Variants in EED observed in about 807,000 individuals in gnomAD.
The protein encoded by EED is polycomb protein EED.
Under a neutral mutation model 61.0 loss-of-function variants are expected in EED, and 9 were observed. The ratio of observed to expected loss-of-function variants is 0.15; its 90% CI spans 0.09 to 0.26. EED has a LOEUF of 0.26. Ranked by LOEUF, EED falls within the 10% of genes least tolerant of loss-of-function variation. EED has a pLI of 1.00. For missense variants in EED, 315 were observed against 542.3 expected (o/e 0.58, Z 4.16); for synonymous variants, 187 against 174.4 (o/e 1.07, Z -0.57).
downstream of EED, among the ~76,000 whole-genome samples, chr11:86,280,774 A>G (rs1946314540): frequency 6.6e-6 from 1 of 152,246 alleles, no homozygotes; most frequent in Non-Finnish European, 1.5e-5. Context: ...CCAACTTTTC[A>G]CTAATGAGTA....
chr11:86,263,174 C>T (rs1163324522), intron 6 of EED, among the ~76,000 whole-genome samples: 5 of 152,160 alleles, frequency 3.3e-5, no homozygotes, highest in African/African-American at 7.2e-5. Flanking sequence ...CTGAATGAGA[C>T]CAACCTCATT....
At chr11:86,248,725 A>G (rs1217865732) in intron 1 of EED, among the ~76,000 whole-genome samples, 4 of 151,980 alleles carry the variant, frequency 2.6e-5, no homozygotes, top group African/African-American at 4.8e-5. Context: ...TTCATAATGA[A>G]AAAAGAGTTG....
At chr11:86,282,001 T>C (rs150741473), downstream of EED, among the ~76,000 whole-genome samples, 107 of 152,342 alleles carry the variant, frequency 7.0e-4, no homozygotes, top group African/African-American at 2.5e-3. Context: ...TTCAAACATA[T>C]AGAAGAGTGA....
chr11:86,251,858 G>A (rs981095778), intron 2 of EED, among the ~76,000 whole-genome samples: 1 of 152,074 alleles, frequency 6.6e-6, no homozygotes, highest in Non-Finnish European at 1.5e-5. Flanking sequence ...AATATGATTG[G>A]CTTATTAAGA....
At chr11:86,279,652 C>G (rs1946301158), downstream of EED, among the ~76,000 whole-genome samples, 1 of 152,132 alleles carries the variant, frequency 6.6e-6, no homozygotes, top group Non-Finnish European at 1.5e-5. Context: ...TAAAAAGATT[C>G]ATGAACTTGT....
chr11:86,265,942 T>C (rs1028065073), intron 7 of EED, 141 bp from the exon 8 acceptor site: 1 of 597,492 alleles, frequency 1.7e-6, no homozygotes, highest in African/African-American at 1.9e-5. Flanking sequence ...CTCTGATTTA[T>C]GGCCTATTTA....
chr11:86,266,982 A>G (rs756828301), intron 8 of EED, among the ~76,000 whole-genome samples: 13 of 152,192 alleles, frequency 8.5e-5, no homozygotes, highest in Non-Finnish European at 1.9e-4. Context: ...TCAATGCACT[A>G]ACATTCATCA....
At chr11:86,265,902 A>AT in intron 7 of EED, 181 bp from the exon 8 acceptor site, 1 of 448,032 alleles carries the variant, frequency 2.2e-6, no homozygotes, top group Non-Finnish European at 3.9e-6. Context: ...TGACAAACTA[A>AT]TTAAAGCTGT....
intron 10 of EED, 168 bp downstream of exon 10, chr11:86,277,306 C>A (rs574413535): frequency 1.8e-6 from 1 of 566,636 alleles, no homozygotes; most frequent in Non-Finnish European, 2.8e-6. Context: ...TGGTGTTATT[C>A]ATTCTACTTT....
chr11:86,282,470 G>T (rs1049515589), downstream of EED, among the ~76,000 whole-genome samples: 2 of 151,942 alleles, frequency 1.3e-5, no homozygotes, highest in Admixed American at 1.3e-4. Context: ...CCTTGTTGTT[G>T]GACATGTTCA....
At chr11:86,268,284 A>G (rs1250190085) in intron 8 of EED, 172 bp from the exon 9 acceptor site, 1 of 474,784 alleles carries the variant, frequency 2.1e-6, no homozygotes, top group Non-Finnish European at 3.7e-6. Context: ...CAAAAGTGGA[A>G]TGAGACTTTA....
intron 6 of EED, among the ~76,000 whole-genome samples, chr11:86,258,696 C>T (rs1029538139): frequency 1.3e-5 from 2 of 151,298 alleles, no homozygotes; most frequent in Admixed American, 6.6e-5. Flanking sequence ...GCTGGGATTA[C>T]AGGCATGTAC....
intron 6 of EED, among the ~76,000 whole-genome samples, chr11:86,260,983 G>A (rs1282829497): frequency 2.0e-5 from 3 of 150,640 alleles, no homozygotes; most frequent in Admixed American, 6.6e-5. Flanking sequence ...ATGACCTAAC[G>A]CTTCTCATTA....
chr11:86,271,797 T>C (rs1185599666), intron 9 of EED, among the ~76,000 whole-genome samples: 2 of 151,914 alleles, frequency 1.3e-5, no homozygotes, highest in Non-Finnish European at 2.9e-5. Flanking sequence ...GATTGGTTTT[T>C]TGAATATTGA....
Position 86,278,642 on chromosome 11 carries a change from G to T in EED, c.*117G>T. On this transcript the variant is annotated 3_prime_UTR_variant, in exon 12 of 12. Transcript: ENST00000263360. ...AGAGTTGTCTTTCAGCATTCAATCA[G>T]GCTGAGCTGAATGTAGTGATGTTTA... The T allele has an allele frequency of 7.4e-7, 1 of 1,342,836 alleles. No individual in the cohort carries two copies. The highest frequency in any genetic ancestry group is 1.5e-5 in the South Asian group (1 of 67,192). The allele number at this position is 1,342,836 out of a possible 1,614,324, so 83.2% of individuals were successfully genotyped here. A position where few individuals can be genotyped will look rare whatever the true frequency, so the allele number is the denominator to read the frequency against.
intron 1 of EED, 46 bp downstream of exon 1, chr11:86,245,389 T>A: frequency 7.0e-7 from 1 of 1,419,780 alleles, no homozygotes; most frequent in Non-Finnish European, 9.6e-7. Flanking sequence ...GTGAAAGTTT[T>A]AAATTCTTTT....
At chr11:86,256,344 C>A in intron 4 of EED, 43 bp from the exon 5 acceptor site, 2 of 1,463,680 alleles carry the variant, frequency 1.4e-6, no homozygotes, top group Non-Finnish European at 1.8e-6. Context: ...TGACATGTTT[C>A]TTTTTCAAAA....
intron 8 of EED, among the ~76,000 whole-genome samples, chr11:86,267,363 G>A (rs1048131855): frequency 6.6e-6 from 1 of 152,166 alleles, no homozygotes; most frequent in African/African-American, 2.4e-5. Flanking sequence ...GAGGGAAAAG[G>A]TAAAGAGAGG....
At chr11:86,274,585 TTG>T in intron 9 of EED, among the ~76,000 whole-genome samples, 1 of 152,260 alleles carries the variant, frequency 6.6e-6, no homozygotes, top group Admixed American at 6.5e-5. Flanking sequence ...TCGGTTGACC[TTG>T]TGTTGGTGCT....
Sources: allele counts gnomAD v4.1 joint callset (sites outside exome capture counted in the v4.1 genomes callset), GRCh38; gene constraint gnomAD v4.1.1; transcripts MANE v1.5; gene names NCBI Gene and HGNC (gene_info 2026-07-23, HGNC 2026-07-21).